HDGFL2: variants seen among roughly 807,000 people sequenced by gnomAD.
HDGFL2 encodes hepatoma-derived growth factor-related protein 2.
In HDGFL2, 36 loss-of-function variants were observed where a neutral mutation model predicts 77.1. The observed-to-expected ratio is 0.47, with a 90% CI of 0.36 to 0.62. The LOEUF is 0.62. HDGFL2 is among the 20% of genes least tolerant of loss of function. The pLI, the probability that HDGFL2 is intolerant of heterozygous loss-of-function variation, is 0.00. For synonymous variants in HDGFL2, 463 were observed against 413.1 expected, an observed-to-expected ratio of 1.12 and a Z score of -1.46; for missense variants, 976 against 973.4, an observed-to-expected ratio of 1.00 and a Z score of -0.04.
chr19:4,491,654 C>T lies in HDGFL2; in HGVS notation c.578C>T (p.Ser193Leu), dbSNP rs757533267. The stretch of plus-strand genomic sequence containing the variant: ...TCCGAAGAGGAGAACTCGGAAAGCT[C>T]ATCTGAGTCGGAGAAGACCAGCGAC... Reference protein sequence around the residue: ...SPSEEENSESSSESEKTSDQD... With the variant: ...SPSEEENSESLSESEKTSDQD... The change falls in exon 5 of 16, where the codon TCA becomes TTA. Residue 193 changes from serine (S) to leucine (L), a missense_variant. Ser to Leu is a moderately radical substitution (Grantham distance 145). Transcript: ENST00000616600. 1.6e-5 allele frequency: 26 copies of T among 1,613,934 alleles called. No individual in the cohort carries two copies. The highest frequency in any genetic ancestry group is 2.0e-5 in the Non-Finnish European group (24 of 1,179,918).
chr19:4,486,177 G>A (rs1052168437), intron 3 of HDGFL2, among the ~76,000 whole-genome samples: 4 of 152,072 alleles, frequency 2.6e-5, no homozygotes, highest in Non-Finnish European at 5.9e-5. Context: ...CGCTGGCAAG[G>A]CTGGCCTGTG....
intron 15 of HDGFL2, chr19:4,501,706 G>C: frequency 1.9e-6 from 1 of 524,590 alleles, no homozygotes; most frequent in East Asian, 3.3e-5. Flanking sequence ...CAGCTGCCTT[G>C]TGCTATGCCT....
intron 4 of HDGFL2, among the ~76,000 whole-genome samples, chr19:4,490,442 G>A (rs1295652616): frequency 3.3e-5 from 5 of 152,180 alleles, no homozygotes; most frequent in Non-Finnish European, 7.3e-5. Context: ...AACACGGTGT[G>A]TTGATCCACA....
At chr19:4,476,721 G>A (rs984805141) in intron 3 of HDGFL2, among the ~76,000 whole-genome samples, 5 of 151,122 alleles carry the variant, frequency 3.3e-5, no homozygotes, top group Admixed American at 2.7e-4. Flanking sequence ...GAAATAGTCA[G>A]GGAAAGGAAG....
In HDGFL2 at chr19:4,491,677, G is replaced by T; in HGVS notation, c.601G>T (p.Asp201Tyr). 1 of 1,614,026 alleles carries T rather than the reference G, an allele frequency of 6.2e-7. No homozygotes were observed. Among genetic ancestry groups the T allele is most frequent in the South Asian group, 1.1e-5 (1 of 91,066 alleles). Residue 201 changes from aspartate (D) to tyrosine (Y), a missense_variant, in exon 5 of 16, where the codon GAC becomes TAC. Physicochemically the swap from Asp to Tyr is radical, Grantham distance 160. Around this residue, in one of 5 missense-constraint regions of HDGFL2, gnomAD observed 567 missense variants for 534.7 expected, o/e 1.06. Coordinates refer to ENST00000616600, the MANE Select transcript of HDGFL2 (RefSeq NM_001001520.3). ...ESSSESEKTS[D>Y]QDFTPEKKAA... ...CTCATCTGAGTCGGAGAAGACCAGC[G>T]ACCAGGTGGGCCAGTGGCTCCTTGG...
rs1223657849 is a variant in HDGFL2, at chr19:4,488,860, A to T, written c.473A>T (p.Lys158Met). 3.9e-6 allele frequency: 6 copies of T among 1,551,404 alleles called. No individual in the cohort carries two copies. The highest frequency in any genetic ancestry group is 2.4e-5 in the East Asian group (1 of 40,934). The stretch of plus-strand genomic sequence containing the variant: ...AGCGACAACAGTGGCCTGAAGAGGA[A>T]GACGCCTGCGCTAAAGGTAGGGGAG... ...KSSDNSGLKR[K>M]TPALKMSVSK... is the part of the protein sequence containing the mutation. The change falls in exon 4 of 16, where the codon AAG (lysine) becomes ATG (methionine). Residue 158 changes from lysine to methionine, a missense_variant. Physicochemically the swap from Lys to Met is moderately conservative, Grantham distance 95. Coordinates refer to ENST00000616600, the MANE Select transcript of HDGFL2 (RefSeq NM_001001520.3).
chr19:4,475,686 G>A, intron 3 of HDGFL2, 103 bp downstream of exon 3: 3 of 1,372,302 alleles, frequency 2.2e-6, no homozygotes, highest in Non-Finnish European at 2.9e-6. Context: ...CATGGGGCTC[G>A]ATCGTTCCCT....
rs750999585 is a variant in HDGFL2, at chr19:4,494,062, G to A, written c.914+5G>A. On this transcript the variant is annotated splice_donor_5th_base_variant and intron_variant, in intron 8 of 15. Coordinates refer to ENST00000616600, the MANE Select transcript of HDGFL2 (RefSeq NM_001001520.3). ...GTCCAGCTCCAGCAGTGACAGGTGG[G>A]TGCTGGGGCTGGGGTCCCCTCTGGC... 6.2e-7 allele frequency: 1 copy of A among 1,600,840 alleles called. No homozygotes were observed. Among genetic ancestry groups the A allele is most frequent in the African/African-American group, 1.3e-5 (1 of 74,594 alleles).
chr19:4,473,415 C>T (rs1974995191), intron 1 of HDGFL2, among the ~76,000 whole-genome samples: 3 of 151,646 alleles, frequency 2.0e-5, no homozygotes, highest in Non-Finnish European at 2.9e-5. Context: ...CGCAGGGTGT[C>T]TGGGAGGGTC....
chr19:4,485,000 G>A (rs572699008), intron 3 of HDGFL2, among the ~76,000 whole-genome samples: 1 of 151,868 alleles, frequency 6.6e-6, no homozygotes, highest in Admixed American at 6.6e-5. Flanking sequence ...TAGAGACAGG[G>A]TTTCACTGTG....
intron 4 of HDGFL2, among the ~76,000 whole-genome samples, chr19:4,490,468 G>T (rs904775439): frequency 6.6e-6 from 1 of 152,134 alleles, no homozygotes; most frequent in Admixed American, 6.6e-5. Flanking sequence ...CTGGCCATTT[G>T]GGTTGTTTCC....
chr19:4,501,435 C>T, intron 15 of HDGFL2, 118 bp downstream of exon 15: 1 of 1,249,826 alleles, frequency 8.0e-7, no homozygotes. Flanking sequence ...GGGATGTCGT[C>T]CTTACTCGGG....
chr19:4,500,914 C>T (rs188019585), intron 14 of HDGFL2, among the ~76,000 whole-genome samples: 2 of 152,346 alleles, frequency 1.3e-5, no homozygotes, highest in East Asian at 3.9e-4. Flanking sequence ...CTTCCTTTGT[C>T]TTTCCCAGGC....
intron 6 of HDGFL2, among the ~76,000 whole-genome samples, chr19:4,492,637 TTGTG>T (rs775199369): frequency 4.7e-5 from 7 of 147,872 alleles, no homozygotes; most frequent in Non-Finnish European, 9.0e-5. Context: ...TGTGTTTTGT[TTGTG>T]TGTGTTGTCT....
At chr19:4,483,599 C>G (rs892787173) in intron 3 of HDGFL2, among the ~76,000 whole-genome samples, 2 of 152,056 alleles carry the variant, frequency 1.3e-5, no homozygotes, top group African/African-American at 4.8e-5. Flanking sequence ...CGGTCACAAA[C>G]GTGGGCCTTA....
At chr19:4,484,649 GCCATCACGCC>G (rs1568207910) in intron 3 of HDGFL2, among the ~76,000 whole-genome samples, 1 of 140,322 alleles carries the variant, frequency 7.1e-6, no homozygotes, top group Non-Finnish European at 1.5e-5. Context: ...ACAGGCACCC[GCCATCACGCC>G]TGGCTAATTT....
At chr19:4,482,341 C>T (rs1485724960) in intron 3 of HDGFL2, among the ~76,000 whole-genome samples, 1 of 152,014 alleles carries the variant, frequency 6.6e-6, no homozygotes, top group Admixed American at 6.6e-5. Flanking sequence ...TCCCAAGTAG[C>T]CGGGACTACA....
intron 14 of HDGFL2, 35 bp downstream of exon 14, chr19:4,499,739 TCTC>T (rs1369604789): frequency 7.0e-7 from 1 of 1,437,938 alleles, no homozygotes; most frequent in Admixed American, 2.0e-5. Context: ...TGTACCTCAG[TCTC>T]CTCAGCTGAA....
chr19:4,500,854 G>A (rs1451784953), intron 14 of HDGFL2, among the ~76,000 whole-genome samples: 5 of 152,106 alleles, frequency 3.3e-5, no homozygotes, highest in African/African-American at 9.7e-5. Context: ...TGAGCCTCAC[G>A]TCTCGGCCTC....
Sources: allele counts gnomAD v4.1 joint callset (sites outside exome capture counted in the v4.1 genomes callset), GRCh38; gene constraint gnomAD v4.1.1; regional missense constraint gnomAD v4.1.1; transcripts MANE v1.5; gene names NCBI Gene and HGNC (gene_info 2026-07-23, HGNC 2026-07-21).